TMEM108: variants seen among roughly 807,000 people sequenced by gnomAD.
The protein encoded by TMEM108 is cancer/testis antigen 124.
Under a neutral mutation model 35.1 loss-of-function variants are expected in TMEM108, and 12 were observed. That is an observed-to-expected ratio of 0.34 (90% CI 0.22 to 0.55). The LOEUF (loss-of-function observed/expected upper bound fraction) is 0.55, where lower values mean the gene tolerates loss of function less well. TMEM108 is among the 20% of genes least tolerant of loss of function. The probability of loss-of-function intolerance (pLI) is 0.89; values close to 1 mark genes in which losing one functional copy is unlikely to be tolerated. For synonymous variants in TMEM108, 287 were observed against 308.6 expected, an observed-to-expected ratio of 0.93 and a Z score of 0.73; for missense variants, 680 against 753.3, an observed-to-expected ratio of 0.90 and a Z score of 1.14.
chr3:133,387,940 T>C, intron 4 of TMEM108: 1 of 985,446 alleles, frequency 1.0e-6, no homozygotes, highest in Non-Finnish European at 1.2e-6. Flanking sequence ...TCTTTCTACC[T>C]TAGAGAGGCG....
chr3:133,090,222 G>T (rs2840157), intron 2 of TMEM108, among the ~76,000 whole-genome samples: 45,512 of 152,006 alleles, frequency 0.3, 7,008 homozygotes, highest in African/African-American at 0.38. Context: ...CCATTAAAAC[G>T]AAACAAAAAA....
At chr3:133,211,792 C>T (rs747394637) in intron 2 of TMEM108, among the ~76,000 whole-genome samples, 1 of 152,180 alleles carries the variant, frequency 6.6e-6, no homozygotes, top group Non-Finnish European at 1.5e-5. Flanking sequence ...CAAGCAATTA[C>T]TTCTGAGTCC....
intron 3 of TMEM108, among the ~76,000 whole-genome samples, chr3:133,271,154 C>T (rs1340852077): frequency 6.6e-6 from 1 of 152,156 alleles, no homozygotes; most frequent in African/African-American, 2.4e-5. Context: ...TCCTCACCAT[C>T]CCCAAGGGGC....
intron 3 of TMEM108, among the ~76,000 whole-genome samples, chr3:133,237,793 T>A (rs891626600): frequency 7.2e-5 from 11 of 152,188 alleles, no homozygotes; most frequent in Non-Finnish European, 2.9e-5. Context: ...TAATTTTTTG[T>A]GTTAGCAAAT....
rs11275143 is a variant in TMEM108, at chr3:133,169,332, T to TTCTAAGCTTTTTG, written c.-46-59934_-46-59933insTCTAAGCTTTTTG. 2.0e-5 allele frequency among the ~76,000 whole-genome samples: 3 copies of TTCTAAGCTTTTTG among 152,242 alleles called. No individual in the cohort carries two copies. The East Asian group carries it at 5.8e-4, about 29-fold the overall frequency. On this transcript the variant is annotated intron_variant, in intron 2 of 5. Transcript: ENST00000321871. ...TACTCATCTTTGGACTTTCTGTATT[T>TTCTAAGCTTTTTG]CAGTAAGCATGTATTTCTTTTGTAG...
At chr3:133,338,828 T>C (rs1013730915) in intron 3 of TMEM108, among the ~76,000 whole-genome samples, 5 of 151,996 alleles carry the variant, frequency 3.3e-5, no homozygotes, top group African/African-American at 1.2e-4. Flanking sequence ...AATTAAGGCA[T>C]ACAATTTTTA....
At chr3:133,310,912 G>C (rs1248449189) in intron 3 of TMEM108, among the ~76,000 whole-genome samples, 2 of 152,140 alleles carry the variant, frequency 1.3e-5, no homozygotes, top group African/African-American at 4.8e-5. Flanking sequence ...TTGTAAGGCA[G>C]GCCTGGTTGT....
At chr3:133,045,424 T>G (rs1187342621) in intron 1 of TMEM108, among the ~76,000 whole-genome samples, 1 of 152,224 alleles carries the variant, frequency 6.6e-6, no homozygotes, top group African/African-American at 2.4e-5. Flanking sequence ...TCTTCATGAT[T>G]GGGCTGAAGT....
chr3:133,326,418 G>A (rs887276169), intron 3 of TMEM108, among the ~76,000 whole-genome samples: 1 of 152,142 alleles, frequency 6.6e-6, no homozygotes, highest in African/African-American at 2.4e-5. Flanking sequence ...TTAGTCCTTT[G>A]GAATTATAAC....
intron 1 of TMEM108, among the ~76,000 whole-genome samples, chr3:133,040,328 C>T (rs941163324): frequency 4.0e-5 from 6 of 151,718 alleles, no homozygotes; most frequent in South Asian, 2.1e-4. Flanking sequence ...CTCAGCCTCC[C>T]GAGTAGCTGG....
At chr3:133,171,215 G>C (rs1273609728) in intron 2 of TMEM108, among the ~76,000 whole-genome samples, 1 of 152,114 alleles carries the variant, frequency 6.6e-6, no homozygotes, top group Non-Finnish European at 1.5e-5. Context: ...AGTTAGCAAA[G>C]CTTTAGTATA....
chr3:133,317,994 A>C (rs1301134939), intron 3 of TMEM108, among the ~76,000 whole-genome samples: 1 of 152,190 alleles, frequency 6.6e-6, no homozygotes, highest in African/African-American at 2.4e-5. Flanking sequence ...TGGAATAGAA[A>C]TGGGTTCCAA....
chr3:133,110,335 A>G (rs1944210022), intron 2 of TMEM108, among the ~76,000 whole-genome samples: 1 of 152,164 alleles, frequency 6.6e-6, no homozygotes, highest in Non-Finnish European at 1.5e-5. Context: ...ACAGAAATAA[A>G]AAGTTGGTGC....
chr3:133,351,474 T>C (rs1576485716), intron 3 of TMEM108, among the ~76,000 whole-genome samples: 1 of 152,072 alleles, frequency 6.6e-6, no homozygotes, highest in Non-Finnish European at 1.5e-5. Flanking sequence ...CTGTGGAACA[T>C]GAAGCACAGG....
chr3:133,178,002 A>G (rs1480106511), intron 2 of TMEM108, among the ~76,000 whole-genome samples: 1 of 152,316 alleles, frequency 6.6e-6, no homozygotes, highest in Admixed American at 6.5e-5. Flanking sequence ...AATCACAAGC[A>G]TTCTTATACA....
At chr3:133,065,335 C>T (rs903576306) in intron 2 of TMEM108, among the ~76,000 whole-genome samples, 4 of 152,154 alleles carry the variant, frequency 2.6e-5, no homozygotes, top group South Asian at 2.1e-4. Flanking sequence ...CAGAGATGTT[C>T]GCATATGCAG....
chr3:133,046,400 C>T (rs1379592008), intron 2 of TMEM108, among the ~76,000 whole-genome samples: 1 of 152,196 alleles, frequency 6.6e-6, no homozygotes, highest in Non-Finnish European at 1.5e-5. Flanking sequence ...GTTTCCCTCA[C>T]CTACCACCTT....
intron 5 of TMEM108, among the ~76,000 whole-genome samples, chr3:133,394,848 A>T (rs369485405): frequency 3.3e-5 from 5 of 152,336 alleles, no homozygotes; most frequent in East Asian, 3.9e-4. Flanking sequence ...AGTATCTGTT[A>T]TGTATGTTTT....
intron 2 of TMEM108, among the ~76,000 whole-genome samples, chr3:133,092,695 A>C (rs982497323): frequency 2.6e-5 from 4 of 152,178 alleles, no homozygotes; most frequent in Non-Finnish European, 4.4e-5. Flanking sequence ...ATAGCAGCAA[A>C]ATCATTTTCC....
Sources: allele counts gnomAD v4.1 joint callset (sites outside exome capture counted in the v4.1 genomes callset), GRCh38; gene constraint gnomAD v4.1.1; transcripts MANE v1.5; gene names NCBI Gene and HGNC (gene_info 2026-07-23, HGNC 2026-07-21).